CASKIN2: variants seen among roughly 807,000 people sequenced by gnomAD.
CASKIN2 encodes the protein CASK interacting protein 2.
CASKIN2 carries 41 observed loss-of-function variants against 107.1 expected under a neutral mutation model. The ratio of observed to expected loss-of-function variants is 0.38; its 90% CI spans 0.30 to 0.50. CASKIN2 has a LOEUF of 0.50. Among genes scored for constraint, CASKIN2 ranks in the 20% least tolerant of loss-of-function variants. The pLI, the probability that CASKIN2 is intolerant of heterozygous loss-of-function variation, is 0.92. For missense variants in CASKIN2, 1,546 were observed against 1,657.4 expected (o/e 0.93, Z 1.17); for synonymous variants, 724 against 705.6 (o/e 1.03, Z -0.41).
Position 75,511,549 on chromosome 17 carries a change from A to G in CASKIN2, c.94+2162T>C, listed in dbSNP as rs571545337. Among the ~76,000 whole-genome samples the G allele has an allele frequency of 2.6e-5, 4 of 152,252 alleles. No homozygotes were observed. In the East Asian group the frequency reaches 7.7e-4, roughly 29 times the overall value. ...CTCACAGGCAAGTGAGGAAATTATA[A>G]TATTTCATACACTATAAGGTTTGCA... is the stretch of plus-strand genomic sequence containing the variant. On this transcript the variant is annotated intron_variant, in intron 2 of 19. Coordinates refer to ENST00000321617, the MANE Select transcript of CASKIN2 (RefSeq NM_020753.5).
In CASKIN2 at chr17:75,513,774, C is replaced by T. The variant is rs140577431; in HGVS notation, c.31G>A (p.Val11Ile). ...ACACCGGTCACATCTCCATTCTTGA[C>T]GGCGAGGATCAGGTCCTGTTCACGA... is the stretch of plus-strand genomic sequence containing the variant. MGREQDLILAVKNGDVTGVQK... is the reference protein window; with the variant it reads MGREQDLILAIKNGDVTGVQK... Residue 11 changes from valine to isoleucine, a missense_variant, in exon 2 of 20, where the codon GTC (valine) becomes ATC (isoleucine). Val to Ile is a conservative substitution (Grantham distance 29). This residue lies in a region of CASKIN2 where 136 missense variants were observed against 198.6 expected (regional missense o/e 0.68). Transcript: ENST00000321617. 37 of 1,613,684 alleles carry T rather than the reference C, an allele frequency of 2.3e-5. No individual in the cohort carries two copies. Among genetic ancestry groups the T allele is most frequent in the South Asian group, 3.3e-5 (3 of 91,080 alleles).
At position 75,503,745 on chromosome 17, in the gene CASKIN2, C is replaced by T. The variant is rs753593121; in HGVS notation, c.1594G>A (p.Gly532Arg). 7 of 1,612,198 alleles carry T rather than the reference C, an allele frequency of 4.3e-6. No individual in the cohort carries two copies. Among genetic ancestry groups the T allele is most frequent in the Non-Finnish European group, 5.1e-6 (6 of 1,179,990 alleles). ...RMTPEDLTAI[G>R]VTKPGHRKKI... The stretch of plus-strand genomic sequence containing the variant: ...TTCCTGTGCCCAGGCTTGGTCACCC[C>T]GATGGCCGTCAGGTCCTGCCACACA... Residue 532 changes from glycine to arginine, a missense_variant, in exon 16 of 20, where the codon GGG (glycine) becomes AGG (arginine). Coordinates refer to ENST00000321617, the MANE Select transcript of CASKIN2 (RefSeq NM_020753.5).
intron 2 of CASKIN2, among the ~76,000 whole-genome samples, chr17:75,512,207 A>G (rs1433618498): frequency 2.0e-5 from 3 of 152,184 alleles, no homozygotes; most frequent in Non-Finnish European, 4.4e-5. Context: ...ACCGAGGTGT[A>G]TCTTGGGGCT....
In CASKIN2 at chr17:75,501,087, A is replaced by G; in HGVS notation, c.3602T>C (p.Leu1201Pro). The change falls in exon 20 of 20, where the codon CTG (leucine) becomes CCG (proline). Residue 1201 changes from leucine (L) to proline (P), a missense_variant. Leu to Pro is a moderately conservative substitution (Grantham distance 98, BLOSUM62 -3). This residue lies in a region of CASKIN2 where 1,311 missense variants were observed against 1,311.0 expected (regional missense o/e 1.00). Coordinates refer to ENST00000321617, the MANE Select transcript of CASKIN2 (RefSeq NM_020753.5). Reference protein sequence around the residue: ...DALADQLDAMLD With the variant: ...DALADQLDAMPD ...TGGGCACTGCTGGAGGGCTCAGTCC[A>G]GCATGGCGTCCAGCTGGTCAGCCAG... The G allele has an allele frequency of 6.4e-7, 1 of 1,574,326 alleles. No individual in the cohort carries two copies. Among genetic ancestry groups the G allele is most frequent in the Non-Finnish European group, 8.6e-7 (1 of 1,159,998 alleles).
chr17:75,507,796 C>G (rs1023689634), intron 3 of CASKIN2, 115 bp from the exon 4 acceptor site: 5 of 761,202 alleles, frequency 6.6e-6, no homozygotes, highest in East Asian at 5.4e-5. Flanking sequence ...TACTGGCCCC[C>G]CCAACCCCAG....
In CASKIN2 at chr17:75,507,903, C is replaced by T. The variant is rs1015058282; in HGVS notation, c.147-222G>A. 3 of 581,370 alleles carry T rather than the reference C, an allele frequency of 5.2e-6. No homozygotes were observed. The South Asian group carries it at 6.5e-5, about 13-fold the overall frequency. The allele number at this position is 581,370 out of a possible 1,614,324, so 36.0% of individuals were successfully genotyped here. A position where few individuals can be genotyped will look rare whatever the true frequency, so the allele number is the denominator to read the frequency against. On this transcript the variant is annotated intron_variant, in intron 3 of 19. Transcript: ENST00000321617. ...TTTGTCTCGCCCCCCCGCCTCCCAGCTGGCCCAGGGGAGGGGGCCGTGGGA... is the reference window on the plus strand; with the variant it reads ...TTTGTCTCGCCCCCCCGCCTCCCAGTTGGCCCAGGGGAGGGGGCCGTGGGA...
In CASKIN2 at chr17:75,505,850, G is replaced by T. The variant is rs1433498704; in HGVS notation, c.806C>A (p.Ala269Asp). The T allele has an allele frequency of 6.2e-7, 1 of 1,613,294 alleles. No homozygotes were observed. Among genetic ancestry groups the T allele is most frequent in the Non-Finnish European group, 8.5e-7 (1 of 1,179,972 alleles). Residue 269 changes from alanine to aspartate, a missense_variant, in exon 9 of 20, where the codon GCC becomes GAC. Physicochemically the swap from Ala to Asp is moderately radical, Grantham distance 126. This residue lies in a region of CASKIN2 where 1,311 missense variants were observed against 1,311.0 expected (regional missense o/e 1.00). Transcript: ENST00000321617. This position sits in a 1 kb window ranked among gnomAD's most constrained non-coding sequence, Gnocchi z 5.1. ...DIVNQFTTSQ[A>D]SREIKQLLRE... ...CAGTAGCTGCTTGATTTCCCGGCTG[G>T]CCTGGGAGGTGGTGAACTGATTCAC...
At chr17:75,507,807 C>T (rs560578627) in intron 3 of CASKIN2, 126 bp from the exon 4 acceptor site, 7 of 704,588 alleles carry the variant, frequency 9.9e-6, no homozygotes, top group Admixed American at 6.8e-5. Context: ...CCAACCCCAG[C>T]AGCCCTGCCG....
At position 75,506,564 on chromosome 17, in the gene CASKIN2, G is replaced by A. The variant is rs72851936; in HGVS notation, c.617+19C>T. 0.093 allele frequency: 149,490 copies of A among 1,610,844 alleles called. 7,408 individuals carry two copies. The highest frequency in any genetic ancestry group is 0.1 in the African/African-American group (7,858 of 74,940). ...TCCCGCAGGCAGGTGATGAGGAAGC[G>A]AGGGGACCCCAAGGGTACCTGATGA... On this transcript the variant is annotated intron_variant, in intron 7 of 19. Transcript: ENST00000321617. This position sits in a 1 kb window ranked among gnomAD's most constrained non-coding sequence, Gnocchi z 4.8.
In CASKIN2 at chr17:75,506,625, G is replaced by A; in HGVS notation, c.575C>T (p.Pro192Leu). 1 of 1,613,512 alleles carries A rather than the reference G, an allele frequency of 6.2e-7. No individual in the cohort carries two copies. Among genetic ancestry groups the A allele is most frequent in the Non-Finnish European group, 8.5e-7 (1 of 1,180,010 alleles). ...GCCATTCTTGGCAGCCAAGTGCAGG[G>A]GCGTGGTGTAGTTGGGGTCACACGG... is the stretch of plus-strand genomic sequence containing the variant. ...KDPCDPNYTT[P>L]LHLAAKNGHR... Residue 192 changes from proline to leucine, a missense_variant, in exon 7 of 20, where the codon CCC becomes CTC. Around this residue, in one of 6 missense-constraint regions of CASKIN2, gnomAD observed 31 missense variants for 28.7 expected, o/e 1.08. Transcript: ENST00000321617. This position sits in a 1 kb window ranked among gnomAD's most constrained non-coding sequence, Gnocchi z 4.8.
chr17:75,501,939 T>G lies in CASKIN2; in HGVS notation c.3135A>C (p.Pro1045=). ...SLPQPEPSSL[P]AQGVPTPLAP... ...CAAGGGGGGTTGGAACTCCTTGGGC[T>G]GGAAGGCTGCTGGGCTCGGGCTGGG... is the stretch of plus-strand genomic sequence containing the variant. The change falls in exon 18 of 20, where the codon CCA becomes CCC. Residue 1045 remains proline (P), a synonymous_variant. Coordinates refer to ENST00000321617, the MANE Select transcript of CASKIN2 (RefSeq NM_020753.5). 6.3e-7 allele frequency: 1 copy of G among 1,599,128 alleles called. No individual in the cohort carries two copies. The highest frequency in any genetic ancestry group is 8.5e-7 in the Non-Finnish European group (1 of 1,171,720).
intron 2 of CASKIN2, among the ~76,000 whole-genome samples, chr17:75,508,964 T>C (rs1303876888): frequency 6.6e-6 from 1 of 152,196 alleles, no homozygotes; most frequent in Non-Finnish European, 1.5e-5. Flanking sequence ...ACCATCCCGA[T>C]GTTAGGGCGA....
At position 75,503,459 on chromosome 17, in the gene CASKIN2, G is replaced by C; in HGVS notation, c.1749C>G (p.Gly583=). 2 of 1,612,852 alleles carry C rather than the reference G, an allele frequency of 1.2e-6. No individual in the cohort carries two copies. The highest frequency in any genetic ancestry group is 1.7e-6 in the Non-Finnish European group (2 of 1,179,960). ...CGGCCACCAGCCCCATGGAGTCGTAGCCGCTGCTCACCAGCTGCTTGTGGT... is the reference window on the plus strand; with the variant it reads ...CGGCCACCAGCCCCATGGAGTCGTACCCGCTGCTCACCAGCTGCTTGTGGT... ...PQYHKQLVSS[G]YDSMGLVADL... is the part of the protein sequence containing the mutation. Residue 583 remains glycine, a synonymous_variant, in exon 17 of 20, where the codon GGC becomes GGG. Coordinates refer to ENST00000321617, the MANE Select transcript of CASKIN2 (RefSeq NM_020753.5).
intron 2 of CASKIN2, among the ~76,000 whole-genome samples, chr17:75,508,746 C>T (rs2053291873): frequency 6.6e-6 from 1 of 152,210 alleles, no homozygotes; most frequent in Admixed American, 6.5e-5. Context: ...AGGAAGGTGA[C>T]ATTAGACAGA....
In CASKIN2 at chr17:75,514,004, C is replaced by T; in HGVS notation, c.-200G>A. ...AAAGGTGCTCCGTGAACTGCCACCACACGAAGGAAAGCTAATCTTTGAGGG... is the reference window on the plus strand; with the variant it reads ...AAAGGTGCTCCGTGAACTGCCACCATACGAAGGAAAGCTAATCTTTGAGGG... On this transcript the variant is annotated 5_prime_UTR_variant, in exon 2 of 20. The change creates a new upstream start codon in the 5' untranslated region. Transcript: ENST00000321617. 1 of 591,954 alleles carries T rather than the reference C, an allele frequency of 1.7e-6. No homozygotes were observed. Among genetic ancestry groups the T allele is most frequent in the South Asian group, 2.1e-5 (1 of 48,610 alleles). The allele number at this position is 591,954 out of a possible 1,614,324, so 36.7% of individuals were successfully genotyped here. A position where few individuals can be genotyped will look rare whatever the true frequency, so the allele number is the denominator to read the frequency against.
At position 75,506,939 on chromosome 17, in the gene CASKIN2, C is replaced by T; in HGVS notation, c.390+45G>A. The stretch of plus-strand genomic sequence containing the variant: ...GTGAGGGGGCCTGGCCTGTCCGGCA[C>T]CCCACCCTGCCCTGCGCCACGCCCC... On this transcript the variant is annotated intron_variant, in intron 5 of 19. Coordinates refer to ENST00000321617, the MANE Select transcript of CASKIN2 (RefSeq NM_020753.5). This position sits in a 1 kb window ranked among gnomAD's most constrained non-coding sequence, Gnocchi z 4.8. 1 of 1,611,820 alleles carries T rather than the reference C, an allele frequency of 6.2e-7. No individual in the cohort carries two copies. The highest frequency in any genetic ancestry group is 1.1e-5 in the South Asian group (1 of 90,996).
chr17:75,501,719 C>T, intron 18 of CASKIN2, 29 bp from the exon 19 acceptor site: 1 of 1,537,854 alleles, frequency 6.5e-7, no homozygotes, highest in South Asian at 1.2e-5. Context: ...TGGCTTGGGA[C>T]TTGGCTGGGT....
intron 18 of CASKIN2, 21 bp downstream of exon 18, chr17:75,501,758 C>T: frequency 6.5e-7 from 1 of 1,528,472 alleles, no homozygotes. Context: ...CAGTGACTCT[C>T]CCACAGGCCT....
chr17:75,504,004 C>G lies in CASKIN2; in HGVS notation c.1468-42G>C, dbSNP rs367816009. On this transcript the variant is annotated intron_variant, in intron 14 of 19. Transcript: ENST00000321617. ...GGGGGCAGAATTAGCAGGAGCTGGA[C>G]CAAGGCCCTAGCCCCCACCAGGGGC... is the stretch of plus-strand genomic sequence containing the variant. The G allele has an allele frequency of 3.9e-5, 60 of 1,552,774 alleles. 1 individual carries two copies. The highest frequency in any genetic ancestry group is 4.2e-5 in the Non-Finnish European group (48 of 1,138,562).
Sources: gnomAD v4.1 joint callset for allele counts (sites outside exome capture counted in the v4.1 genomes callset) on GRCh38, gnomAD v4.1.1 for gene constraint, gnomAD v4.1.1 regional missense constraint, Gnocchi (gnomAD v3.1) non-coding constraint, MANE v1.5 for transcripts, NCBI Gene and HGNC (gene_info 2026-07-23, HGNC 2026-07-21) for gene names.